Variants in KALRN observed in about 807,000 individuals in gnomAD.
KALRN encodes kalirin.
KALRN carries 70 observed loss-of-function variants against 353.7 expected under a neutral mutation model. The observed-to-expected ratio is 0.20, with a 90% CI of 0.16 to 0.24. The LOEUF is 0.24. Among genes scored for constraint, KALRN ranks in the 10% least tolerant of loss-of-function variants. The probability of loss-of-function intolerance (pLI) is 1.00; values close to 1 mark genes in which losing one functional copy is unlikely to be tolerated. For missense variants in KALRN, 2,791 were observed against 3,756.7 expected, an observed-to-expected ratio of 0.74 and a Z score of 6.72; for synonymous variants, 1,391 against 1,434.8, an observed-to-expected ratio of 0.97 and a Z score of 0.69.
chr3:124,464,937 GCCC>G (rs2060187887), intron 25 of KALRN, among the ~76,000 whole-genome samples: 1 of 151,720 alleles, frequency 6.6e-6, no homozygotes, highest in African/African-American at 2.4e-5. Flanking sequence ...CCACCATAGG[GCCC>G]AATACAGCCA....
At chr3:124,491,188 A>G (rs2063126181) in intron 30 of KALRN, 135 bp from the exon 31 acceptor site, 5 of 595,412 alleles carry the variant, frequency 8.4e-6, no homozygotes, top group Non-Finnish European at 1.4e-5. Flanking sequence ...AGAATATCCA[A>G]TCTGTTAAAG....
At chr3:124,042,470 C>T (rs2040051107) in intron 1 of KALRN, among the ~76,000 whole-genome samples, 1 of 152,094 alleles carries the variant, frequency 6.6e-6, no homozygotes. Flanking sequence ...TAGAAGATCA[C>T]TGTGATAGGC....
intron 18 of KALRN, 151 bp downstream of exon 18, chr3:124,439,188 TCTCTCTCTCTCTCACACACA>T: frequency 2.8e-6 from 1 of 363,200 alleles, no homozygotes. Flanking sequence ...TTCTTCTCCT[TCTCTCTCTCTCTCACACACA>T]CACACACACA....
At chr3:124,246,813 T>G (rs937390820) in intron 3 of KALRN, among the ~76,000 whole-genome samples, 1 of 152,152 alleles carries the variant, frequency 6.6e-6, no homozygotes, top group African/African-American at 2.4e-5. Flanking sequence ...CTGGAGTTTG[T>G]GGTAGGTAAT....
At chr3:124,429,847 G>A (rs2093192132) in intron 15 of KALRN, among the ~76,000 whole-genome samples, 1 of 152,104 alleles carries the variant, frequency 6.6e-6, no homozygotes, top group Admixed American at 6.5e-5. Context: ...TCCAGAATAT[G>A]GGTTATTACT....
At chr3:124,441,268 G>C (rs1033194626) in intron 18 of KALRN, among the ~76,000 whole-genome samples, 1 of 152,218 alleles carries the variant, frequency 6.6e-6, no homozygotes, top group East Asian at 1.9e-4. Flanking sequence ...CACGTAAGAG[G>C]CATTCTGGTG....
At chr3:124,434,642 C>G in intron 17 of KALRN, 117 bp downstream of exon 17, 2 of 834,312 alleles carry the variant, frequency 2.4e-6, no homozygotes, top group South Asian at 3.4e-5. Context: ...TCAGTACTAA[C>G]ATTTGAAGAA....
intron 47 of KALRN, among the ~76,000 whole-genome samples, chr3:124,667,567 A>T (rs1456035803): frequency 1.3e-5 from 2 of 152,232 alleles, no homozygotes; most frequent in Admixed American, 6.5e-5. Flanking sequence ...TGTAGTGTTA[A>T]CTAGAGATAA....
chr3:124,437,718 CG>C (rs2093527515), intron 17 of KALRN, among the ~76,000 whole-genome samples: 1 of 113,160 alleles, frequency 8.8e-6, no homozygotes, highest in Non-Finnish European at 1.9e-5. Context: ...AAAAAAAAGA[CG>C]TTTTTCATCA....
intron 15 of KALRN, 94 bp from the exon 16 acceptor site, chr3:124,430,562 T>C (rs2093225952): frequency 6.9e-7 from 1 of 1,440,158 alleles, no homozygotes; most frequent in African/African-American, 1.4e-5. Flanking sequence ...TAAAAGATAG[T>C]GAGCTCTCCA....
At chr3:124,385,170 T>A in intron 11 of KALRN, 134 bp downstream of exon 11, 1 of 672,978 alleles carries the variant, frequency 1.5e-6, no homozygotes, top group Non-Finnish European at 2.4e-6. Context: ...TTGGTAATAT[T>A]AACAATTCAT....
At position 124,632,577 on chromosome 3, in the gene KALRN, T is replaced by C. The variant is rs1660038; in HGVS notation, c.5340T>C (p.Leu1780=). 945,675 of 1,613,820 alleles carry C rather than the reference T, an allele frequency of 0.59. 282,513 individuals carry two copies. The highest frequency in any genetic ancestry group is 0.9 in the East Asian group (40,415 of 44,870). Residue 1780 remains leucine (L), a synonymous_variant, in exon 35 of 60, where the codon CTT becomes CTC. Transcript: ENST00000682506. ...GGCTGACGAGTCCTGTGCGTCGGCTTAACAGCGGGAAGGCAGATGGAAACA... is the reference window on the plus strand; with the variant it reads ...GGCTGACGAGTCCTGTGCGTCGGCTCAACAGCGGGAAGGCAGATGGAAACA... ...KKWLTSPVRR[L]NSGKADGNIK...
intron 33 of KALRN, among the ~76,000 whole-genome samples, chr3:124,523,502 G>A (rs1352663478): frequency 6.6e-6 from 1 of 152,182 alleles, no homozygotes; most frequent in East Asian, 1.9e-4. Context: ...CAAACCTGCT[G>A]GGGGAAAACA....
rs747144139 is a variant in KALRN at position 124,269,000 on chromosome 3, G to T, written c.714G>T (p.Lys238Asn). The T allele has an allele frequency of 6.2e-7, 1 of 1,614,048 alleles. No homozygotes were observed. Among genetic ancestry groups the T allele is most frequent in the African/African-American group, 1.3e-5 (1 of 75,072 alleles). Residue 238 changes from lysine to asparagine, a missense_variant, in exon 5 of 60, where the codon AAG becomes AAT. By Grantham distance (94) the Lys-to-Asn change is moderately conservative. Coordinates refer to ENST00000682506, the MANE Select transcript of KALRN (RefSeq NM_001388419.1). Reference protein sequence around the residue: ...LIDEHTQLKKKVLKAPVEELD... With the variant: ...LIDEHTQLKKNVLKAPVEELD... ...ACGAACACACACAGCTCAAGAAAAA[G>T]GTGCTGAAGGCCCCTGTGGAGGAGC... is the stretch of plus-strand genomic sequence containing the variant.
chr3:124,704,210 C>T (rs1376015440), intron 57 of KALRN, among the ~76,000 whole-genome samples: 1 of 152,172 alleles, frequency 6.6e-6, no homozygotes, highest in African/African-American at 2.4e-5. Context: ...CTAAACATGA[C>T]CCCCAATAAT....
intron 6 of KALRN, among the ~76,000 whole-genome samples, chr3:124,320,886 T>C (rs1436442256): frequency 6.6e-6 from 1 of 152,206 alleles, no homozygotes; most frequent in African/African-American, 2.4e-5. Flanking sequence ...GCCTGGTAAG[T>C]GGCTAGGGCA....
chr3:124,420,034 G>A (rs181268366), intron 14 of KALRN, among the ~76,000 whole-genome samples: 25 of 152,298 alleles, frequency 1.6e-4, no homozygotes, highest in Admixed American at 1.6e-3. Flanking sequence ...TCTTCTAGGT[G>A]TGGCTGGAAT....
At chr3:124,262,566 T>TG (rs1193377231) in intron 3 of KALRN, among the ~76,000 whole-genome samples, 2 of 152,140 alleles carry the variant, frequency 1.3e-5, no homozygotes, top group Admixed American at 1.3e-4. Context: ...GATGCAGGAT[T>TG]GGGGAGAATA....
chr3:124,549,936 G>T (rs1019152191), intron 33 of KALRN, among the ~76,000 whole-genome samples: 2 of 152,088 alleles, frequency 1.3e-5, no homozygotes, highest in Non-Finnish European at 2.9e-5. Flanking sequence ...TGGAAGCTGG[G>T]GTTGAAGAAG....
Sources: allele counts gnomAD v4.1 joint callset (sites outside exome capture counted in the v4.1 genomes callset), GRCh38; gene constraint gnomAD v4.1.1; transcripts MANE v1.5; gene names NCBI Gene and HGNC (gene_info 2026-07-23, HGNC 2026-07-21).